ZNF366: variants seen among roughly 807,000 people sequenced by gnomAD.
The protein encoded by ZNF366 is zinc finger protein 366, also known as dendritic cell-specific transcript protein.
Under a neutral mutation model 47.2 loss-of-function variants are expected in ZNF366, and 20 were observed. The observed-to-expected ratio is 0.42, with a 90% confidence interval of 0.30 to 0.62. The LOEUF (loss-of-function observed/expected upper bound fraction) is 0.62. Ranked by LOEUF, ZNF366 falls within the 20% of genes least tolerant of loss-of-function variation. ZNF366 has a pLI of 0.16. For synonymous variants in ZNF366, 421 were observed against 395.1 expected (o/e 1.07, Z -0.78); for missense variants, 987 against 976.3 (o/e 1.01, Z -0.15).
Position 72,487,810 on chromosome 5 carries a change from C to G in ZNF366, c.-15+19441G>C, listed in dbSNP as rs1320434188. 3.3e-5 allele frequency among the ~76,000 whole-genome samples: 5 copies of G among 152,172 alleles called. No individual in the cohort carries two copies. In the East Asian group the frequency reaches 9.7e-4, roughly 29 times the overall value. On this transcript the variant is annotated intron_variant, in intron 1 of 4. Coordinates refer to ENST00000318442, the MANE Select transcript of ZNF366 (RefSeq NM_152625.3). ...GGGTATTTTGCAAAATGCAAAATAC[C>G]AGGACAGGTTAAAGTCTGAAATTCT... is the stretch of plus-strand genomic sequence containing the variant.
At chr5:72,494,233 CG>C (rs1165549297) in intron 1 of ZNF366, 1 of 152,068 alleles carries the variant, frequency 6.6e-6, no homozygotes, top group Non-Finnish European at 1.5e-5. Flanking sequence ...CCTGAAGATC[CG>C]TGGAGCTATA....
chr5:72,482,435 C>T (rs1743807154), intron 1 of ZNF366, among the ~76,000 whole-genome samples: 1 of 152,174 alleles, frequency 6.6e-6, no homozygotes, highest in Admixed American at 6.5e-5. Context: ...CTGACATTTG[C>T]TGGGACTCCT....
intron 2 of ZNF366, among the ~76,000 whole-genome samples, chr5:72,457,687 C>T (rs1743217827): frequency 6.6e-6 from 1 of 152,174 alleles, no homozygotes; most frequent in Non-Finnish European, 1.5e-5. Context: ...GGTCTCTGCC[C>T]AGCTGTTTAC....
intron 2 of ZNF366, among the ~76,000 whole-genome samples, chr5:72,457,886 A>C (rs1743222055): frequency 1.3e-5 from 2 of 152,190 alleles, no homozygotes; most frequent in African/African-American, 4.8e-5. Context: ...TTAGAAATTA[A>C]ATTTTGATTC....
At chr5:72,456,329 A>G in intron 3 of ZNF366, 75 bp downstream of exon 3, 1 of 1,498,006 alleles carries the variant, frequency 6.7e-7, no homozygotes, top group South Asian at 1.3e-5. Context: ...GAAACAGAGT[A>G]GAAGGCTCCC....
chr5:72,453,544 C>T (rs761755919), intron 3 of ZNF366, among the ~76,000 whole-genome samples: 10 of 152,244 alleles, frequency 6.6e-5, no homozygotes, highest in Non-Finnish European at 7.3e-5. Flanking sequence ...GAATCTAGCA[C>T]AGCATAGTTG....
At chr5:72,448,748 C>A (rs1743006137) in intron 3 of ZNF366, among the ~76,000 whole-genome samples, 1 of 152,038 alleles carries the variant, frequency 6.6e-6, no homozygotes, top group Non-Finnish European at 1.5e-5. Flanking sequence ...TTAATGAAGG[C>A]AATAATTTCA....
chr5:72,446,926 G>C (rs11746956), intron 4 of ZNF366, among the ~76,000 whole-genome samples: 6,962 of 152,212 alleles, frequency 0.046, 171 homozygotes, highest in East Asian at 0.08. Context: ...CTGTAAAATA[G>C]AAATAATAGA....
chr5:72,454,213 T>A (rs575978954), intron 3 of ZNF366, among the ~76,000 whole-genome samples: 1 of 152,182 alleles, frequency 6.6e-6, no homozygotes, highest in Non-Finnish European at 1.5e-5. Flanking sequence ...TTTTGGACCA[T>A]GTACATGCAC....
chr5:72,461,517 A>G lies in ZNF366; in HGVS notation c.-14-7T>C, dbSNP rs754928928. 7 of 1,524,150 alleles carry G rather than the reference A, an allele frequency of 4.6e-6. No individual in the cohort carries two copies. Among genetic ancestry groups the G allele is most frequent in the Non-Finnish European group, 3.5e-6 (4 of 1,138,744 alleles). The allele number at this position is 1,524,150 out of a possible 1,614,324, so 94.4% of individuals were successfully genotyped here. A position where few individuals can be genotyped will look rare whatever the true frequency, so the allele number is the denominator to read the frequency against. ...TGCATCCTTGGCAATTTTCCTTTAA[A>G]GAGAAAGAAACTTGTGTGTTTTGGT... is the stretch of plus-strand genomic sequence containing the variant. On this transcript the variant is annotated splice_region_variant and splice_polypyrimidine_tract_variant and intron_variant, in intron 1 of 4. Coordinates refer to ENST00000318442, the MANE Select transcript of ZNF366 (RefSeq NM_152625.3).
At position 72,507,221 on chromosome 5, in the gene ZNF366, G is replaced by C. The variant is rs1744336191; in HGVS notation, c.-15+30C>G. ...GTATCCACCCAGGAACCTTGAAAAGGAAGCAGAAATGATTGCATGGGTAAC... is the reference window on the plus strand; with the variant it reads ...GTATCCACCCAGGAACCTTGAAAAGCAAGCAGAAATGATTGCATGGGTAAC... On this transcript the variant is annotated intron_variant, in intron 1 of 4. Transcript: ENST00000318442. 6.1e-6 allele frequency: 6 copies of C among 985,562 alleles called. No individual in the cohort carries two copies. In the South Asian group the frequency reaches 1.4e-4, roughly 23 times the overall value. The allele number at this position is 985,562 out of a possible 1,614,324, so 61.1% of individuals were successfully genotyped here.
At chr5:72,502,922 G>A (rs754037509) in intron 1 of ZNF366, among the ~76,000 whole-genome samples, 2 of 152,104 alleles carry the variant, frequency 1.3e-5, no homozygotes, top group Non-Finnish European at 2.9e-5. Context: ...TCAGGAGTTC[G>A]AGACCAGTGT....
At chr5:72,450,677 C>T (rs1466852793) in intron 3 of ZNF366, among the ~76,000 whole-genome samples, 4 of 152,194 alleles carry the variant, frequency 2.6e-5, no homozygotes, top group Non-Finnish European at 5.9e-5. Context: ...TCCATTCACA[C>T]CTGGGCGGTA....
rs774951462 is a variant in ZNF366 at position 72,456,527 on chromosome 5, G to A, written c.1401C>T (p.His467=). 2.1e-5 allele frequency: 34 copies of A among 1,613,402 alleles called. No individual in the cohort carries two copies. The highest frequency in any genetic ancestry group is 3.3e-4 in the Middle Eastern group (2 of 6,084). The change falls in exon 3 of 5, where the codon CAC becomes CAT. Residue 467 remains histidine (H), a synonymous_variant. Coordinates refer to ENST00000318442, the MANE Select transcript of ZNF366 (RefSeq NM_152625.3). The part of the protein sequence containing the change: ...EFTLLANMKR[H]VLIHTNIRAY... Reference sequence around the variant, plus strand: ...CGCGGATGTTGGTGTGGATCAGCACGTGTCGCTTCATGTTGGCCAGCAGGG... The same window carrying A: ...CGCGGATGTTGGTGTGGATCAGCACATGTCGCTTCATGTTGGCCAGCAGGG...
intron 3 of ZNF366, 24 bp downstream of exon 3, chr5:72,456,380 T>C (rs1743185663): frequency 1.9e-6 from 3 of 1,578,008 alleles, no homozygotes; most frequent in Non-Finnish European, 2.6e-6. Context: ...AACCCTCTGG[T>C]TCCTCTCTAG....
Position 72,477,334 on chromosome 5 carries a change from G to A in ZNF366, c.-14-15824C>T, listed in dbSNP as rs924741060. Among the ~76,000 whole-genome samples the A allele has an allele frequency of 1.3e-4, 20 of 152,276 alleles. No individual in the cohort carries two copies. The South Asian group carries it at 1.9e-3, about 14-fold the overall frequency. On this transcript the variant is annotated intron_variant, in intron 1 of 4. Coordinates refer to ENST00000318442, the MANE Select transcript of ZNF366 (RefSeq NM_152625.3). Reference sequence around the variant, plus strand: ...AATATCCAGTGGCACTGATCCAAGCGTCTACATTAAGTGTGGAGGAATGGG... The same window carrying A: ...AATATCCAGTGGCACTGATCCAAGCATCTACATTAAGTGTGGAGGAATGGG...
rs551625077 is a variant in ZNF366 at position 72,442,437 on chromosome 5, T to A, written c.*1319A>T. On this transcript the variant is annotated 3_prime_UTR_variant, in exon 5 of 5. Transcript: ENST00000318442. The stretch of plus-strand genomic sequence containing the variant: ...GGTAAGGCCTTGGTTTGGTGGTTTT[T>A]TTTTAAAGGTCACCCCAGATGCTTC... 2 of 152,306 alleles carry A rather than the reference T, an allele frequency of 1.3e-5. 1 individual carries two copies. Among genetic ancestry groups the A allele is most frequent in the South Asian group, 4.1e-4 (2 of 4,826 alleles). The allele number at this position is 152,306 out of a possible 1,614,324, so 9.4% of individuals were successfully genotyped here. A position where few individuals can be genotyped will look rare whatever the true frequency, so the allele number is the denominator to read the frequency against.
intron 1 of ZNF366, among the ~76,000 whole-genome samples, chr5:72,504,778 C>T (rs560589329): frequency 9.1e-4 from 138 of 152,108 alleles, no homozygotes; most frequent in African/African-American, 3.2e-3. Context: ...ATAACTGACA[C>T]TGATTGACTC....
chr5:72,482,268 T>C (rs1371458065), intron 1 of ZNF366, among the ~76,000 whole-genome samples: 3 of 152,218 alleles, frequency 2.0e-5, no homozygotes, highest in African/African-American at 7.2e-5. Flanking sequence ...CCCAACATCA[T>C]GTAATGAGCC....
Sources: gnomAD v4.1 joint callset for allele counts (sites outside exome capture counted in the v4.1 genomes callset) on GRCh38, gnomAD v4.1.1 for gene constraint, MANE v1.5 for transcripts, NCBI Gene and HGNC (gene_info 2026-07-23, HGNC 2026-07-21) for gene names.